OPCML: variants seen among roughly 807,000 people sequenced by gnomAD.
The protein encoded by OPCML is opioid binding protein/cell adhesion molecule like.
OPCML carries 13 observed loss-of-function variants against 37.8 expected under a neutral mutation model. The ratio of observed to expected loss-of-function variants is 0.34; its 90% CI spans 0.22 to 0.55. OPCML has a LOEUF of 0.55. OPCML is among the 20% of genes least tolerant of loss of function. The pLI, the probability that OPCML is intolerant of heterozygous loss-of-function variation, is 0.91. For synonymous variants in OPCML, 176 were observed against 168.8 expected (o/e 1.04, Z -0.33); for missense variants, 341 against 435.6 (o/e 0.78, Z 1.93).
In OPCML at chr11:133,042,754, C is replaced by T. The variant is rs112150109; in HGVS notation, c.62-99744G>A. Reference sequence around the variant, plus strand: ...AAACGTTATCGGAGGGTGCCTTTAACGGCCAAAGTTAACACTGGAACCCTC... The same window carrying T: ...AAACGTTATCGGAGGGTGCCTTTAATGGCCAAAGTTAACACTGGAACCCTC... On this transcript the variant is annotated intron_variant, in intron 1 of 7. Transcript: ENST00000524381. Among the ~76,000 whole-genome samples, 394 of 152,192 alleles carry T rather than the reference C, an allele frequency of 2.6e-3. 3 individuals are homozygous for T. The highest frequency in any genetic ancestry group is 3.2e-3 in the Non-Finnish European group (218 of 68,000).
chr11:133,003,929 C>G, intron 1 of OPCML: 1 of 985,454 alleles, frequency 1.0e-6, no homozygotes, highest in Non-Finnish European at 1.2e-6. Flanking sequence ...TCTGGTCACA[C>G]AGGCTGGCAG....
At chr11:132,861,838 T>TAAAAAAA (rs58457650) in intron 2 of OPCML, among the ~76,000 whole-genome samples, 3 of 94,356 alleles carry the variant, frequency 3.2e-5, no homozygotes, top group Non-Finnish European at 6.9e-5. Context: ...CCATCTCAAA[T>TAAAAAAA]AAAAAAAAAA....
chr11:132,717,966 T>C (rs1235421115), intron 2 of OPCML, among the ~76,000 whole-genome samples: 3 of 152,256 alleles, frequency 2.0e-5, no homozygotes, highest in East Asian at 3.9e-4. Flanking sequence ...AGAGTAATCC[T>C]GTGGTTCTTC....
intron 2 of OPCML, among the ~76,000 whole-genome samples, chr11:132,690,724 T>A (rs974322178): frequency 6.6e-5 from 10 of 152,196 alleles, no homozygotes; most frequent in African/African-American, 2.4e-4. Flanking sequence ...AGATTCTGGG[T>A]TACAGCATAA....
intron 4 of OPCML, among the ~76,000 whole-genome samples, chr11:132,474,965 C>A (rs577371552): frequency 1.3e-5 from 2 of 152,298 alleles, no homozygotes; most frequent in African/African-American, 4.8e-5. Flanking sequence ...GCCACAGCTG[C>A]CATGTTCTCT....
At chr11:132,832,248 GA>G (rs71067400) in intron 2 of OPCML, among the ~76,000 whole-genome samples, 14,461 of 142,982 alleles carry the variant, frequency 0.1, 787 homozygotes, top group Middle Eastern at 0.12. Flanking sequence ...TTATTTTAAT[GA>G]AAAAAAAAAA....
chr11:133,204,204 C>A (rs546957551), intron 1 of OPCML, among the ~76,000 whole-genome samples: 1 of 151,754 alleles, frequency 6.6e-6, no homozygotes, highest in African/African-American at 2.4e-5. Flanking sequence ...AATAATTAAG[C>A]CAAGTTTATT....
chr11:132,596,793 C>G (rs950801758), intron 3 of OPCML, among the ~76,000 whole-genome samples: 1 of 152,142 alleles, frequency 6.6e-6, no homozygotes, highest in African/African-American at 2.4e-5. Context: ...AAAAGTAGAG[C>G]AAAATGGAGC....
intron 1 of OPCML, among the ~76,000 whole-genome samples, chr11:133,168,125 C>T (rs559527046): frequency 2.6e-5 from 4 of 152,324 alleles, no homozygotes; most frequent in African/African-American, 9.6e-5. Context: ...AATTGGAAGG[C>T]TTCACTTGAC....
chr11:132,572,709 A>G (rs1442293901), intron 3 of OPCML, among the ~76,000 whole-genome samples: 1 of 152,034 alleles, frequency 6.6e-6, no homozygotes, highest in Non-Finnish European at 1.5e-5. Context: ...ATTCTTTCTC[A>G]GGATTGATTG....
intron 1 of OPCML, among the ~76,000 whole-genome samples, chr11:133,064,231 C>T (rs189898754): frequency 6.6e-5 from 10 of 152,268 alleles, no homozygotes; most frequent in East Asian, 1.9e-4. Context: ...CGCAACCCAG[C>T]GCGGTTCCCA....
Position 132,533,305 on chromosome 11 carries a change from G to T in OPCML, c.380-4119C>A, listed in dbSNP as rs115797340. Among the ~76,000 whole-genome samples, 1,234 of 152,234 alleles carry T rather than the reference G, an allele frequency of 8.1e-3. 21 individuals are homozygous for T. Among genetic ancestry groups the T allele is most frequent in the African/African-American group, 0.028 (1,183 of 41,530 alleles). ...ACAACTACGGTAACTTCAAAATGTGGTCATTTTGGATAGATGACAGATGGG... is the reference window on the plus strand; with the variant it reads ...ACAACTACGGTAACTTCAAAATGTGTTCATTTTGGATAGATGACAGATGGG... On this transcript the variant is annotated intron_variant, in intron 3 of 7. Transcript: ENST00000524381.
At chr11:132,884,790 A>G (rs962277810) in intron 2 of OPCML, among the ~76,000 whole-genome samples, 3 of 152,258 alleles carry the variant, frequency 2.0e-5, no homozygotes, top group Admixed American at 6.5e-5. Context: ...TGGTTTTACT[A>G]AAATATATAG....
chr11:133,226,953 T>A (rs1295055790), intron 1 of OPCML, among the ~76,000 whole-genome samples: 2 of 152,222 alleles, frequency 1.3e-5, no homozygotes, highest in African/African-American at 4.8e-5. Flanking sequence ...TCACTGGGAT[T>A]GATAGTGATT....
At chr11:133,419,186 G>T in intron 1 of OPCML, 1 of 934,950 alleles carries the variant, frequency 1.1e-6, no homozygotes, top group Non-Finnish European at 1.3e-6. Context: ...TCAGTAAGTT[G>T]GCTTTTTCTG....
intron 4 of OPCML, among the ~76,000 whole-genome samples, chr11:132,438,409 C>A (rs549105020): frequency 6.6e-6 from 1 of 152,372 alleles, no homozygotes; most frequent in South Asian, 2.1e-4. Flanking sequence ...TTCGCCACAA[C>A]CTTGTGCAAG....
At chr11:133,224,549 G>A (rs1186694273) in intron 1 of OPCML, among the ~76,000 whole-genome samples, 1 of 152,326 alleles carries the variant, frequency 6.6e-6, no homozygotes, top group Admixed American at 6.5e-5. Flanking sequence ...CAGAGTCCCT[G>A]TAGCCTGCCC....
At chr11:132,463,949 T>C (rs1241168407) in intron 4 of OPCML, among the ~76,000 whole-genome samples, 1 of 152,242 alleles carries the variant, frequency 6.6e-6, no homozygotes, top group Admixed American at 6.5e-5. Flanking sequence ...TTAACTGCTT[T>C]GAGACTCAGT....
chr11:133,177,774 C>T lies in OPCML; in HGVS notation c.62-234764G>A, dbSNP rs1937630103. 1.3e-5 allele frequency among the ~76,000 whole-genome samples: 2 copies of T among 152,174 alleles called. No homozygotes were observed. The highest frequency in any genetic ancestry group is 4.8e-5 in the African/African-American group (2 of 41,446). The stretch of plus-strand genomic sequence containing the variant: ...GGAATCTCATGGAATCGGCCCCACA[C>T]ACTCACCGAAATGGCTCCAAAATTT... On this transcript the variant is annotated intron_variant, in intron 1 of 7. Coordinates refer to ENST00000524381, the MANE Select transcript of OPCML (RefSeq NM_001012393.5). This position sits in a 1 kb window ranked among gnomAD's most constrained non-coding sequence, Gnocchi z 5.0.
Sources: gnomAD v4.1 joint callset for allele counts (sites outside exome capture counted in the v4.1 genomes callset) on GRCh38, gnomAD v4.1.1 for gene constraint, Gnocchi (gnomAD v3.1) non-coding constraint, MANE v1.5 for transcripts, NCBI Gene and HGNC (gene_info 2026-07-23, HGNC 2026-07-21) for gene names.